TNN: variants seen among roughly 807,000 people sequenced by gnomAD.
TNN encodes tenascin N.
Under a neutral mutation model 134.4 loss-of-function variants are expected in TNN, and 122 were observed. The observed-to-expected ratio is 0.91, with a 90% CI of 0.78 to 1.06. The LOEUF (loss-of-function observed/expected upper bound fraction) is 1.06, where lower values mean the gene tolerates loss of function less well. TNN is among the 50% of genes least tolerant of loss of function. TNN has a pLI of 0.00. For synonymous variants in TNN, 710 were observed against 670.3 expected, an observed-to-expected ratio of 1.06 and a Z score of -0.91; for missense variants, 1,739 against 1,699.4, an observed-to-expected ratio of 1.02 and a Z score of -0.41.
chr1:175,075,120 C>A (rs1047762571), intron 1 of TNN, among the ~76,000 whole-genome samples: 1 of 152,214 alleles, frequency 6.6e-6, no homozygotes, highest in East Asian at 1.9e-4. Flanking sequence ...TATTGTGATT[C>A]TTCTTCTTCT....
chr1:175,086,056 C>T (rs991765392), intron 6 of TNN, among the ~76,000 whole-genome samples: 23 of 152,266 alleles, frequency 1.5e-4, no homozygotes, highest in African/African-American at 4.6e-4. Context: ...TGTCTGACAC[C>T]GTTCTGCTTA....
rs1309928386 is a variant in TNN at position 175,093,976 on chromosome 1, G to T, written c.1325-14G>T. ...GGTTTCTCTGATTTTTCTTTCTCAT[G>T]TGTTTTTATGAAGAAATTGACAGTC... On this transcript the variant is annotated splice_polypyrimidine_tract_variant and intron_variant, in intron 6 of 18. Coordinates refer to ENST00000239462, the MANE Select transcript of TNN (RefSeq NM_022093.2). The T allele has an allele frequency of 6.3e-7, 1 of 1,578,732 alleles. No homozygotes were observed.
At chr1:175,111,896 C>T (rs1392398091) in intron 9 of TNN, among the ~76,000 whole-genome samples, 1 of 151,544 alleles carries the variant, frequency 6.6e-6, no homozygotes, top group Non-Finnish European at 1.5e-5. Flanking sequence ...CTTGGTGGAG[C>T]TTGTTAGGGT....
rs1675251903 is a variant in TNN, at chr1:175,118,581, C to G, written c.2407C>G (p.Leu803Val). 2 of 1,613,930 alleles carry G rather than the reference C, an allele frequency of 1.2e-6. No homozygotes were observed. The highest frequency in any genetic ancestry group is 1.7e-6 in the Non-Finnish European group (2 of 1,179,926). ...AQTDIDSPQN[L>V]VTDWVTENTA... is the part of the protein sequence containing the mutation. ...TTCAGACATTGACAGCCCCCAAAAC[C>G]TGGTCACTGACTGGGTGACAGAGAA... The change falls in exon 11 of 19, where the codon CTG (leucine) becomes GTG (valine). Residue 803 changes from leucine to valine, a missense_variant. Physicochemically the swap from Leu to Val is conservative, Grantham distance 32 (BLOSUM62 1). Transcript: ENST00000239462.
intron 12 of TNN, among the ~76,000 whole-genome samples, chr1:175,125,688 T>C (rs1675493867): frequency 1.3e-5 from 1 of 74,588 alleles, no homozygotes; most frequent in African/African-American, 5.0e-5. Context: ...CCTCCTTTCT[T>C]TCTCTCTTTT....
Position 175,134,939 on chromosome 1 carries a change from G to T in TNN, c.3331-906G>T, listed in dbSNP as rs965411424. Among the ~76,000 whole-genome samples the T allele has an allele frequency of 7.9e-5, 12 of 152,200 alleles. 2 individuals carry two copies. The highest frequency in any genetic ancestry group is 1.5e-5 in the Non-Finnish European group (1 of 68,004). On this transcript the variant is annotated intron_variant, in intron 15 of 18. Transcript: ENST00000239462. ...TTAAAACTCTGCAATAATTTCCAGC[G>T]CTCTTACCTGGACCAACGTCTTCAA...
In TNN at chr1:175,147,043, C is replaced by T. The variant is rs766234079; in HGVS notation, c.3872C>T (p.Thr1291Met). 5 of 1,590,446 alleles carry T rather than the reference C, an allele frequency of 3.1e-6. No homozygotes were observed. Among genetic ancestry groups the T allele is most frequent in the Non-Finnish European group, 4.3e-6 (5 of 1,168,446 alleles). ...CCTGTCCTGGGCAGAAAGAAGCGGACGCTGAGAGGAAGGCTGCGAACGTTC... is the reference window on the plus strand; with the variant it reads ...CCTGTCCTGGGCAGAAAGAAGCGGATGCTGAGAGGAAGGCTGCGAACGTTC... ...REPVLGRKKR[T>M]LRGRLRTF The change falls in exon 19 of 19, where the codon ACG (threonine) becomes ATG (methionine). Residue 1291 changes from threonine (T) to methionine (M), a missense_variant. By Grantham distance (81) the Thr-to-Met change is moderately conservative (BLOSUM62 -1). Transcript: ENST00000239462.
At chr1:175,079,270 G>A (rs1225524791) in intron 2 of TNN, 63 bp from the exon 3 acceptor site, 2 of 1,505,420 alleles carry the variant, frequency 1.3e-6, no homozygotes, top group Non-Finnish European at 1.8e-6. Flanking sequence ...GCTGATCTCA[G>A]AGGAAGGAGA....
chr1:175,077,264 T>A, intron 1 of TNN, 120 bp from the exon 2 acceptor site: 2 of 775,406 alleles, frequency 2.6e-6, no homozygotes, highest in East Asian at 4.9e-5. Context: ...TTGGGAGAAA[T>A]AGAATGAGTT....
intron 9 of TNN, among the ~76,000 whole-genome samples, chr1:175,101,925 A>G (rs7526747): frequency 0.25 from 33,475 of 132,140 alleles, 6,428 homozygotes; most frequent in African/African-American, 0.31. Flanking sequence ...GTGCCGATTG[A>G]TGTATTAACA....
Position 175,123,447 on chromosome 1 carries a change from A to C in TNN, c.2698A>C (p.Met900Leu), listed in dbSNP as rs750616827. 1 of 1,614,118 alleles carries C rather than the reference A, an allele frequency of 6.2e-7. No homozygotes were observed. Among genetic ancestry groups the C allele is most frequent in the African/African-American group, 1.3e-5 (1 of 74,934 alleles). Residue 900 changes from methionine to leucine, a missense_variant, in exon 12 of 19, where the codon ATG becomes CTG. Met to Leu is a conservative substitution (Grantham distance 15). Coordinates refer to ENST00000239462, the MANE Select transcript of TNN (RefSeq NM_022093.2). ...NLVTDWVTEN[M>L]ATVSWDPVQA... ...AGTGACTGACTGGGTGACGGAGAAT[A>C]TGGCCACTGTCTCCTGGGACCCGGT...
intron 8 of TNN, among the ~76,000 whole-genome samples, chr1:175,098,028 C>A (rs1457721804): frequency 6.6e-6 from 1 of 152,158 alleles, no homozygotes; most frequent in Non-Finnish European, 1.5e-5. Context: ...GTTAGGAACC[C>A]TAAATGTCAT....
At chr1:175,138,701 C>T (rs1256000222) in intron 17 of TNN, among the ~76,000 whole-genome samples, 2 of 152,192 alleles carry the variant, frequency 1.3e-5, no homozygotes, top group East Asian at 1.9e-4. Context: ...GGGCTGAAGA[C>T]AGGCTGTGCT....
intron 1 of TNN, among the ~76,000 whole-genome samples, chr1:175,070,634 C>T (rs528727848): frequency 6.6e-6 from 1 of 152,298 alleles, no homozygotes; most frequent in Admixed American, 6.5e-5. Context: ...ATCCTATATG[C>T]AATCCTATAT....
Position 175,117,048 on chromosome 1 carries a change from C to T in TNN, c.2229C>T (p.Thr743=). The T allele has an allele frequency of 6.2e-7, 1 of 1,614,248 alleles. No individual in the cohort carries two copies. The highest frequency in any genetic ancestry group is 8.5e-7 in the Non-Finnish European group (1 of 1,180,048). ...TTGACAGGTATGTGGTGCGCTACAC[C>T]TCTGCCAAGGACGGAGAGACCAGGG... ...ATIDRYVVRY[T]SAKDGETREV... Residue 743 remains threonine (T), a synonymous_variant, in exon 10 of 19, where the codon ACC becomes ACT. Coordinates refer to ENST00000239462, the MANE Select transcript of TNN (RefSeq NM_022093.2).
chr1:175,140,940 A>G (rs1417715292), intron 17 of TNN, among the ~76,000 whole-genome samples: 1 of 152,112 alleles, frequency 6.6e-6, no homozygotes, highest in Non-Finnish European at 1.5e-5. Flanking sequence ...ATTCAAATGG[A>G]AGGTGAATAT....
At chr1:175,127,920 T>C in intron 13 of TNN, 112 bp from the exon 14 acceptor site, 1 of 1,325,414 alleles carries the variant, frequency 7.5e-7, no homozygotes, top group Non-Finnish European at 1.1e-6. Flanking sequence ...GACAAAACAC[T>C]GTGCTCTCAG....
Position 175,125,703 on chromosome 1 carries a change from CTCTTTCTTTCTTTCTTTCTT to C in TNN, c.2915-1216_2915-1197del, listed in dbSNP as rs1173340653. ...CCTCCTTTCTTTCTCTCTTTTTTCT[CTCTTTCTTTCTTTCTTTCTT>C]TCTTTCTTTCTTTCTTTCTTTCTTT... On this transcript the variant is annotated intron_variant, in intron 12 of 18. Transcript: ENST00000239462. Among the ~76,000 whole-genome samples, 459 of 66,402 alleles carry C rather than the reference CTCTTTCTTTCTTTCTTTCTT, an allele frequency of 6.9e-3. 7 individuals are homozygous for C. The highest frequency in any genetic ancestry group is 0.024 in the Middle Eastern group (3 of 124). 43.6% of individuals were successfully genotyped at this position (66,402 alleles called of 152,430 possible).
intron 7 of TNN, 72 bp downstream of exon 7, chr1:175,094,325 C>T: frequency 7.1e-7 from 1 of 1,412,450 alleles, no homozygotes; most frequent in Non-Finnish European, 9.4e-7. Flanking sequence ...ATCAGGAGGT[C>T]ATTGCTCACC....
Sources: allele counts gnomAD v4.1 joint callset (sites outside exome capture counted in the v4.1 genomes callset), GRCh38; gene constraint gnomAD v4.1.1; transcripts MANE v1.5; gene names NCBI Gene and HGNC (gene_info 2026-07-23, HGNC 2026-07-21).